Variants in JARID2 observed in about 807,000 individuals in gnomAD.
The protein encoded by JARID2 is protein Jumonji.
A neutral mutation model predicts 125.6 loss-of-function variants in JARID2; 21 were observed. The observed-to-expected ratio is 0.17, with a 90% CI of 0.12 to 0.24. JARID2 has a LOEUF of 0.24. Ranked by LOEUF, JARID2 falls within the 10% of genes least tolerant of loss-of-function variation. JARID2 has a pLI of 1.00. For missense variants in JARID2, 1,303 were observed against 1,639.6 expected, an observed-to-expected ratio of 0.79 and a Z score of 3.55; for synonymous variants, 736 against 661.6, an observed-to-expected ratio of 1.11 and a Z score of -1.73.
At chr6:15,338,256 A>G (rs538368900) in intron 1 of JARID2, among the ~76,000 whole-genome samples, 3 of 152,252 alleles carry the variant, frequency 2.0e-5, no homozygotes, top group East Asian at 3.9e-4. Context: ...GGACGCCTCT[A>G]TTCCCTGTCT....
chr6:15,327,852 A>G (rs1272206933), intron 1 of JARID2, among the ~76,000 whole-genome samples: 1 of 152,062 alleles, frequency 6.6e-6, no homozygotes, highest in South Asian at 2.1e-4. Context: ...GCTCAATGTT[A>G]TGTCTTTTGT....
chr6:15,360,965 G>A (rs1187888801), intron 1 of JARID2, among the ~76,000 whole-genome samples: 1 of 152,150 alleles, frequency 6.6e-6, no homozygotes, highest in Non-Finnish European at 1.5e-5. Flanking sequence ...TTGCTCTTCA[G>A]TAAATTAGGG....
Position 15,513,300 on chromosome 6 carries a change from TATGGCAGCCACG to T in JARID2, c.3337_3348del (p.His1113_Ser1116del), listed in dbSNP as rs753433734. The T allele has an allele frequency of 1.9e-6, 3 of 1,603,432 alleles. No homozygotes were observed. Among genetic ancestry groups the T allele is most frequent in the Admixed American group, 1.7e-5 (1 of 57,432 alleles). ...GGCTGGCCTCCACTCCTCCGCACGC[TATGGCAGCCACG>T]ATGGCAGCAGCACGGTGGCGGACGG... On this transcript the variant is annotated inframe_deletion, in exon 16 of 18. Coordinates refer to ENST00000341776, the MANE Select transcript of JARID2 (RefSeq NM_004973.4).
chr6:15,264,616 T>TGTGA (rs1316249384), intron 1 of JARID2, among the ~76,000 whole-genome samples: 1 of 126,912 alleles, frequency 7.9e-6, no homozygotes, highest in African/African-American at 2.5e-5. Flanking sequence ...GGTGTGAGTG[T>TGTGA]GTGTGTGTGT....
chr6:15,511,151 C>A, intron 12 of JARID2, 145 bp from the exon 13 acceptor site: 1 of 654,258 alleles, frequency 1.5e-6, no homozygotes. Flanking sequence ...GACCAGGCAC[C>A]CAGCCAGGCC....
At chr6:15,295,974 A>G (rs1207950645) in intron 1 of JARID2, among the ~76,000 whole-genome samples, 2 of 152,214 alleles carry the variant, frequency 1.3e-5, no homozygotes, top group Non-Finnish European at 2.9e-5. Flanking sequence ...TTTTATACTT[A>G]AAAACCATTT....
At chr6:15,247,897 G>A (rs1024670468) in intron 1 of JARID2, 65 of 985,266 alleles carry the variant, frequency 6.6e-5, no homozygotes, top group Non-Finnish European at 7.7e-5. Flanking sequence ...GTTTAAACTC[G>A]GGCTGTAGAA....
chr6:15,473,514 GCCCCCCCCCCC>G, intron 5 of JARID2, among the ~76,000 whole-genome samples: 1 of 35,000 alleles, frequency 2.9e-5, no homozygotes, highest in East Asian at 6.7e-4. Context: ...TGATGTGCGT[GCCCCCCCCCCC>G]CCCCCGCTTT....
At chr6:15,428,287 A>C (rs982714187) in intron 3 of JARID2, among the ~76,000 whole-genome samples, 3 of 151,966 alleles carry the variant, frequency 2.0e-5, no homozygotes, top group African/African-American at 7.3e-5. Flanking sequence ...TTTTTGTTAT[A>C]CTTTAAGTTC....
intron 1 of JARID2, among the ~76,000 whole-genome samples, chr6:15,249,943 T>C (rs1759377786): frequency 6.6e-6 from 1 of 152,246 alleles, no homozygotes; most frequent in South Asian, 2.1e-4. Context: ...TGTTTTGCTC[T>C]AGAGATATTT....
At chr6:15,247,962 G>A in intron 1 of JARID2, 1 of 985,474 alleles carries the variant, frequency 1.0e-6, no homozygotes, top group Non-Finnish European at 1.2e-6. Flanking sequence ...GGGCACGTCC[G>A]TTTCGGATGC....
intron 2 of JARID2, among the ~76,000 whole-genome samples, chr6:15,406,334 T>C (rs1223863207): frequency 6.6e-6 from 1 of 152,194 alleles, no homozygotes; most frequent in Non-Finnish European, 1.5e-5. Flanking sequence ...CTCAGGAGGC[T>C]GAGGCAGGAG....
At chr6:15,366,324 T>G (rs960146612) in intron 1 of JARID2, among the ~76,000 whole-genome samples, 3 of 152,090 alleles carry the variant, frequency 2.0e-5, no homozygotes, top group Admixed American at 2.0e-4. Context: ...TAGAATGTTT[T>G]TTTTCATTTG....
rs1035724494 is a variant in JARID2, at chr6:15,306,335, T to C, written c.45+59751T>C. ...AACAACATAGTCATATTTCTTTTTT[T>C]TTTTTTTTTTTTTTTTGAGACGGAG... is the stretch of plus-strand genomic sequence containing the variant. On this transcript the variant is annotated intron_variant, in intron 1 of 17. Transcript: ENST00000341776. Among the ~76,000 whole-genome samples, 217 of 134,058 alleles carry C rather than the reference T, an allele frequency of 1.6e-3. 1 individual carries two copies. Among genetic ancestry groups the C allele is most frequent in the South Asian group, 2.8e-3 (10 of 3,554 alleles). 87.9% of individuals were successfully genotyped at this position (134,058 alleles called of 152,430 possible).
In JARID2 at chr6:15,509,451, G is replaced by C. The variant is rs990052107; in HGVS notation, c.2846+997G>C. The C allele has an allele frequency of 3.2e-5, 22 of 683,572 alleles. No individual in the cohort carries two copies. In the Admixed American group the frequency reaches 5.7e-4, roughly 18 times the overall value. 42.3% of individuals were successfully genotyped at this position (683,572 alleles called of 1,614,324 possible). A position where few individuals can be genotyped will look rare whatever the true frequency, so the allele number is the denominator to read the frequency against. The stretch of plus-strand genomic sequence containing the variant: ...TTCTGGTGAGTGGTGCTGTGGACAT[G>C]AGGGAGCCCTCCCTTCCCACATGGG... On this transcript the variant is annotated intron_variant, in intron 12 of 17. Transcript: ENST00000341776.
intron 1 of JARID2, among the ~76,000 whole-genome samples, chr6:15,373,077 C>T (rs187916344): frequency 7.1e-4 from 108 of 152,288 alleles, no homozygotes; most frequent in African/African-American, 2.5e-3. Flanking sequence ...GAACATAAGT[C>T]CTTCTTAGAT....
At chr6:15,415,021 C>A (rs574831290) in intron 3 of JARID2, among the ~76,000 whole-genome samples, 1 of 152,156 alleles carries the variant, frequency 6.6e-6, no homozygotes, top group Non-Finnish European at 1.5e-5. Flanking sequence ...TGACTCTTAA[C>A]GAGCATGCTG....
chr6:15,260,043 T>C (rs1423832621), intron 1 of JARID2, among the ~76,000 whole-genome samples: 1 of 152,240 alleles, frequency 6.6e-6, no homozygotes, highest in African/African-American at 2.4e-5. Flanking sequence ...TTTTGCTTAA[T>C]AGTATTGGTA....
intron 17 of JARID2, among the ~76,000 whole-genome samples, chr6:15,517,922 A>G (rs1452611140): frequency 6.6e-6 from 1 of 152,194 alleles, no homozygotes; most frequent in Non-Finnish European, 1.5e-5. Context: ...GTCATTGCAC[A>G]TTTGAGGCCA....
Sources: gnomAD v4.1 joint callset for allele counts (sites outside exome capture counted in the v4.1 genomes callset) on GRCh38, gnomAD v4.1.1 for gene constraint, MANE v1.5 for transcripts, NCBI Gene and HGNC (gene_info 2026-07-23, HGNC 2026-07-21) for gene names.